The following SOCS2 variants were observed in gnomAD, a reference collection of about 807,000 sequenced individuals.
The protein encoded by SOCS2 is CIS-2.
In SOCS2, 10 loss-of-function variants were observed where a neutral mutation model predicts 18.6. The observed-to-expected ratio is 0.54, with a 90% CI of 0.33 to 0.91. SOCS2 has a LOEUF of 0.91. Among genes scored for constraint, SOCS2 ranks in the 40% least tolerant of loss-of-function variants. The pLI, the probability that SOCS2 is intolerant of heterozygous loss-of-function variation, is 0.02. For synonymous variants in SOCS2, 104 were observed against 104.0 expected, an observed-to-expected ratio of 1.00 and a Z score of 0.00; for missense variants, 231 against 247.2, an observed-to-expected ratio of 0.93 and a Z score of 0.44.
the SOCS2 span, among the ~76,000 whole-genome samples, chr12:93,605,209 A>G: frequency 1.3e-5 from 2 of 152,210 alleles, no homozygotes; most frequent in Non-Finnish European, 2.9e-5. Context: ...TTTAACAAGG[A>G]TAGTTGTTGC....
At chr12:93,616,293 T>G in the SOCS2 span, among the ~76,000 whole-genome samples, 1 of 152,224 alleles carries the variant, frequency 6.6e-6, no homozygotes, top group Admixed American at 6.5e-5. Flanking sequence ...ACAGCCATCT[T>G]GTCACCAGAG....
chr12:93,572,469 C>T (rs1312490912), upstream of SOCS2: 5 of 364,992 alleles, frequency 1.4e-5, no homozygotes, highest in Middle Eastern at 9.8e-4. This position sits in a 1 kb window ranked among gnomAD's most constrained non-coding sequence, Gnocchi z 5.0. Flanking sequence ...CTGACCTCCG[C>T]CCCCCACCTC....
intron 1 of SOCS2, 118 bp from the exon 2 acceptor site, chr12:93,574,602 CTT>C (rs35259505): frequency 3.0e-3 from 1,604 of 528,494 alleles, no homozygotes; most frequent in East Asian, 7.4e-3. Flanking sequence ...CACACACCAC[CTT>C]TTTTTTTTTT....
At chr12:93,617,620 A>G in the SOCS2 span, among the ~76,000 whole-genome samples, 1 of 152,198 alleles carries the variant, frequency 6.6e-6, no homozygotes, top group African/African-American at 2.4e-5. Flanking sequence ...TCCACTCTAA[A>G]GTGGCCATAC....
At chr12:93,606,048 G>A in the SOCS2 span, among the ~76,000 whole-genome samples, 1 of 152,318 alleles carries the variant, frequency 6.6e-6, no homozygotes, top group South Asian at 2.1e-4. Context: ...CGTGGGTCAA[G>A]GATCCAAGCT....
the SOCS2 span, among the ~76,000 whole-genome samples, chr12:93,593,465 G>T: frequency 4.6e-5 from 7 of 152,096 alleles, no homozygotes; most frequent in Non-Finnish European, 1.0e-4. Context: ...TTAGATATTA[G>T]AATTAAATTA....
At chr12:93,599,231 C>T in the SOCS2 span, among the ~76,000 whole-genome samples, 4 of 138,674 alleles carry the variant, frequency 2.9e-5, no homozygotes, top group South Asian at 2.2e-4. Flanking sequence ...GAAGTGCTTA[C>T]GGTAACTTCA....
chr12:93,580,296 C>T (rs555506905), downstream of SOCS2, among the ~76,000 whole-genome samples: 1 of 152,166 alleles, frequency 6.6e-6, no homozygotes, highest in East Asian at 1.9e-4. Context: ...GTGTTTGGTC[C>T]AGAATGCTGC....
At chr12:93,613,302 A>T in the SOCS2 span, among the ~76,000 whole-genome samples, 1 of 152,222 alleles carries the variant, frequency 6.6e-6, no homozygotes, top group Non-Finnish European at 1.5e-5. Context: ...GTAATTTCTC[A>T]TCCTCATGTA....
At chr12:93,626,157 T>G in the SOCS2 span, among the ~76,000 whole-genome samples, 1 of 152,276 alleles carries the variant, frequency 6.6e-6, no homozygotes, top group South Asian at 2.1e-4. Flanking sequence ...ATGAGCCTCT[T>G]TCTATTTATC....
the SOCS2 span, among the ~76,000 whole-genome samples, chr12:93,602,413 GCATATA>G: frequency 6.6e-6 from 1 of 152,132 alleles, no homozygotes; most frequent in Non-Finnish European, 1.5e-5. Flanking sequence ...AGTATTTGTA[GCATATA>G]CATACACATG....
At position 93,576,357 on chromosome 12, in the gene SOCS2, T is replaced by C. The variant is rs1041460760; in HGVS notation, c.*1178T>C. The C allele has an allele frequency of 2.6e-5, 4 of 152,320 alleles. No individual in the cohort carries two copies. The highest frequency in any genetic ancestry group is 9.7e-5 in the African/African-American group (4 of 41,446). The allele number at this position is 152,320 out of a possible 1,614,324, so 9.4% of individuals were successfully genotyped here. ...AAGTTATGGGCTGTACCTGCCCCCTTTGCAATTTGGAAAGCATGGTTTAGA... is the reference window on the plus strand; with the variant it reads ...AAGTTATGGGCTGTACCTGCCCCCTCTGCAATTTGGAAAGCATGGTTTAGA... On this transcript the variant is annotated 3_prime_UTR_variant, in exon 2 of 2. Transcript: ENST00000551556.
the SOCS2 span, among the ~76,000 whole-genome samples, chr12:93,595,152 G>A: frequency 6.6e-6 from 1 of 152,054 alleles, no homozygotes; most frequent in Admixed American, 6.6e-5. Context: ...TGCTTTTGGA[G>A]TCTTACTCGT....
At chr12:93,602,958 C>T in the SOCS2 span, among the ~76,000 whole-genome samples, 1 of 152,184 alleles carries the variant, frequency 6.6e-6, no homozygotes, top group African/African-American at 2.4e-5. Flanking sequence ...GAGAGCGCTG[C>T]TGGGCCTGCT....
the SOCS2 span, among the ~76,000 whole-genome samples, chr12:93,613,141 C>T: frequency 6.6e-6 from 1 of 152,214 alleles, no homozygotes; most frequent in African/African-American, 2.4e-5. Context: ...AAGCCAATAT[C>T]TGAAGGCTCT....
At chr12:93,590,517 A>G in the SOCS2 span, among the ~76,000 whole-genome samples, 2 of 150,776 alleles carry the variant, frequency 1.3e-5, no homozygotes, top group Non-Finnish European at 3.0e-5. Context: ...AGCTTCCCGT[A>G]TGGGCGTGGT....
chr12:93,579,994 A>C (rs1423344840), downstream of SOCS2, among the ~76,000 whole-genome samples: 1 of 152,216 alleles, frequency 6.6e-6, no homozygotes, highest in Non-Finnish European at 1.5e-5. Context: ...TTTGTGATGT[A>C]TTATTCACGT....
the SOCS2 span, among the ~76,000 whole-genome samples, chr12:93,602,338 C>T: frequency 6.6e-6 from 1 of 152,148 alleles, no homozygotes; most frequent in Non-Finnish European, 1.5e-5. Flanking sequence ...TCAAACAATC[C>T]TCCTGCCTTG....
the SOCS2 span, among the ~76,000 whole-genome samples, chr12:93,625,454 G>A: frequency 1.3e-5 from 2 of 151,944 alleles, no homozygotes; most frequent in South Asian, 4.2e-4. Flanking sequence ...CAAAGCTTAC[G>A]AATTTATTGA....
Sources: allele counts gnomAD v4.1 joint callset (sites outside exome capture counted in the v4.1 genomes callset), GRCh38; gene constraint gnomAD v4.1.1; non-coding constraint Gnocchi (gnomAD v3.1); transcripts MANE v1.5; gene names NCBI Gene and HGNC (gene_info 2026-07-23, HGNC 2026-07-21).